SMG1: variants seen among roughly 807,000 people sequenced by gnomAD.
SMG1 encodes the protein serine/threonine-protein kinase SMG1.
A neutral mutation model predicts 419.9 loss-of-function variants in SMG1; 22 were observed. The observed-to-expected ratio is 0.05, with a 90% CI of 0.04 to 0.07. SMG1 has a LOEUF of 0.07. Ranked by LOEUF, SMG1 falls within the 10% of genes least tolerant of loss-of-function variation. The probability of loss-of-function intolerance (pLI) is 1.00; values close to 1 mark genes in which losing one functional copy is unlikely to be tolerated. For missense variants in SMG1, 3,185 were observed against 4,342.0 expected (o/e 0.73, Z 7.49); for synonymous variants, 1,538 against 1,553.5 (o/e 0.99, Z 0.23).
At chr16:18,884,575 A>G (rs948427743) in intron 8 of SMG1, among the ~76,000 whole-genome samples, 4 of 152,148 alleles carry the variant, frequency 2.6e-5, no homozygotes, top group African/African-American at 9.7e-5. Context: ...TGAATATCCT[A>G]TTTTCAAAAG....
Position 18,877,163 on chromosome 16 carries a change from G to C in SMG1, c.1588C>G (p.Leu530Val), listed in dbSNP as rs1270106156. The change falls in exon 12 of 63, where the codon CTA becomes GTA. Residue 530 changes from leucine to valine, a missense_variant. Coordinates refer to ENST00000446231, the MANE Select transcript of SMG1 (RefSeq NM_015092.5). ...TCTTTATGATAACGCAAGAATAGTA[G>C]TTTAGATGATGGTATAAACAGTTTT... ...VEKLFIPSSK[L>V]LFLRYHKEKE... The C allele has an allele frequency of 5.8e-6, 9 of 1,556,856 alleles. No homozygotes were observed. The highest frequency in any genetic ancestry group is 2.7e-5 in the African/African-American group (2 of 74,212).
chr16:18,870,128 A>G (rs1024873751), intron 18 of SMG1, 134 bp from the exon 19 acceptor site: 2 of 613,388 alleles, frequency 3.3e-6, no homozygotes, highest in Admixed American at 6.1e-5. Flanking sequence ...AAATGGATAC[A>G]GAGATGTGAT....
At chr16:18,860,424 C>A (rs1312563652) in intron 26 of SMG1, among the ~76,000 whole-genome samples, 1 of 151,998 alleles carries the variant, frequency 6.6e-6, no homozygotes, top group Non-Finnish European at 1.5e-5. Context: ...CTTTATCAAA[C>A]AAAATGGCTA....
intron 29 of SMG1, among the ~76,000 whole-genome samples, chr16:18,855,561 A>C (rs989955030): frequency 2.6e-5 from 4 of 151,926 alleles, no homozygotes; most frequent in African/African-American, 9.7e-5. Flanking sequence ...CTCATTTTCC[A>C]CCACCCTCCA....
At chr16:18,897,087 A>C in intron 1 of SMG1, 131 bp from the exon 2 acceptor site, 1 of 608,558 alleles carries the variant, frequency 1.6e-6, no homozygotes. Flanking sequence ...TATATATTAT[A>C]TGTAAGCACT....
intron 39 of SMG1, among the ~76,000 whole-genome samples, chr16:18,845,014 T>A (rs934906491): frequency 6.6e-6 from 1 of 152,264 alleles, no homozygotes; most frequent in South Asian, 2.1e-4. Context: ...TATGTTGTTA[T>A]AAGCGACTAT....
chr16:18,901,633 T>C (rs542390699), intron 1 of SMG1, among the ~76,000 whole-genome samples: 1 of 152,280 alleles, frequency 6.6e-6, no homozygotes, highest in South Asian at 2.1e-4. Context: ...GGCTTTTACC[T>C]GTGAATTCTG....
chr16:18,845,301 C>G, intron 39 of SMG1, 128 bp downstream of exon 39: 1 of 737,462 alleles, frequency 1.4e-6, no homozygotes, highest in East Asian at 2.8e-5. Context: ...AGCAACTGGC[C>G]ACAGGCTGCC....
Position 18,876,239 on chromosome 16 carries a change from A to C in SMG1, c.1775T>G (p.Ile592Arg), listed in dbSNP as rs565572960. Residue 592 changes from isoleucine (I) to arginine (R), a missense_variant, in exon 13 of 63, where the codon ATA becomes AGA. This residue lies in a region of SMG1 where 297 missense variants were observed against 491.0 expected (regional missense o/e 0.60). Transcript: ENST00000446231. ...ATGATTCTTAAAAGCCTCATGTTTT[A>C]TTTCAGAACAGGCCTCAGGAAGTTG... ...SLQLPEACSE[I>R]KHEAFKNHVF... The C allele has an allele frequency of 1.9e-6, 3 of 1,611,760 alleles. No homozygotes were observed. Among genetic ancestry groups the C allele is most frequent in the African/African-American group, 2.7e-5 (2 of 74,978 alleles).
chr16:18,811,737 A>G (rs1047088664), intron 62 of SMG1, 24 bp downstream of exon 62: 2 of 1,594,474 alleles, frequency 1.3e-6, no homozygotes, highest in Non-Finnish European at 1.7e-6. Context: ...TAAAATGTGT[A>G]GCCCAAGTTT....
intron 57 of SMG1, 35 bp downstream of exon 57, chr16:18,817,256 C>T: frequency 3.8e-6 from 6 of 1,560,876 alleles, no homozygotes; most frequent in Non-Finnish European, 5.2e-6. Context: ...TAACACTAGC[C>T]TTATTTAATC....
At chr16:18,864,640 C>T (rs2035400616) in intron 23 of SMG1, among the ~76,000 whole-genome samples, 1 of 152,068 alleles carries the variant, frequency 6.6e-6, no homozygotes, top group Admixed American at 6.6e-5. Context: ...GGACTATAGG[C>T]GCCCACCACC....
intron 47 of SMG1, 36 bp from the exon 48 acceptor site, chr16:18,836,248 A>G (rs1221172717): frequency 1.2e-6 from 2 of 1,600,914 alleles, no homozygotes; most frequent in Admixed American, 1.7e-5. Flanking sequence ...ACAGTAAAAC[A>G]GGGTCAAGTC....
rs75775369 is a variant in SMG1 at position 18,810,632 on chromosome 16, A to G, written c.10909-986T>C. Among the ~76,000 whole-genome samples the G allele has an allele frequency of 1.2e-3, 183 of 152,346 alleles. 2 individuals are homozygous for G. Among genetic ancestry groups the G allele is most frequent in the African/African-American group, 4.0e-3 (165 of 41,582 alleles). ...ACAAAATGCATGATGATCCTTGACT[A>G]GATCTTGAAGGTCGGAGGAACAGGG... On this transcript the variant is annotated intron_variant, in intron 62 of 62. Transcript: ENST00000446231.
chr16:18,909,342 CA>C (rs2037705091), intron 1 of SMG1, among the ~76,000 whole-genome samples: 1 of 150,758 alleles, frequency 6.6e-6, no homozygotes, highest in African/African-American at 2.4e-5. Flanking sequence ...AACTCCATCT[CA>C]AAAAAAGGAA....
At chr16:18,842,779 G>A (rs920826944) in intron 39 of SMG1, among the ~76,000 whole-genome samples, 2 of 152,140 alleles carry the variant, frequency 1.3e-5, no homozygotes, top group African/African-American at 2.4e-5. Flanking sequence ...GCAGAGAGCC[G>A]AGATTACGCC....
At chr16:18,880,726 G>GGA (rs1225597464) in intron 10 of SMG1, among the ~76,000 whole-genome samples, 18 of 137,812 alleles carry the variant, frequency 1.3e-4, no homozygotes, top group African/African-American at 4.1e-4. Flanking sequence ...AAAAAAGGGG[G>GGA]GGGGCGCGGA....
intron 13 of SMG1, among the ~76,000 whole-genome samples, chr16:18,872,855 G>A (rs959760392): frequency 1.3e-5 from 2 of 152,114 alleles, no homozygotes; most frequent in African/African-American, 4.8e-5. Context: ...TATCGCTACA[G>A]TAAGAAAACA....
chr16:18,820,578 T>C (rs1174864815), intron 55 of SMG1, among the ~76,000 whole-genome samples: 1 of 152,202 alleles, frequency 6.6e-6, no homozygotes, highest in Non-Finnish European at 1.5e-5. Context: ...AGTTATTTGA[T>C]TATTTATTCA....
Sources: allele counts gnomAD v4.1 joint callset (sites outside exome capture counted in the v4.1 genomes callset), GRCh38; gene constraint gnomAD v4.1.1; regional missense constraint gnomAD v4.1.1; transcripts MANE v1.5; gene names NCBI Gene and HGNC (gene_info 2026-07-23, HGNC 2026-07-21).